Variants in SMYD3 observed in about 807,000 individuals in gnomAD.
SMYD3 encodes histone-lysine N-methyltransferase SMYD3.
In SMYD3, 36 loss-of-function variants were observed where a neutral mutation model predicts 57.7. The observed-to-expected ratio is 0.62, with a 90% confidence interval of 0.48 to 0.82. The LOEUF (loss-of-function observed/expected upper bound fraction) is 0.82, where lower values mean the gene tolerates loss of function less well. SMYD3 is among the 40% of genes least tolerant of loss of function. The pLI is 0.00. For missense variants in SMYD3, 515 were observed against 538.8 expected (o/e 0.96, Z 0.44); for synonymous variants, 211 against 195.0 (o/e 1.08, Z -0.68).
chr1:246,199,840 A>T (rs1477944123), intron 5 of SMYD3, among the ~76,000 whole-genome samples: 2 of 152,278 alleles, frequency 1.3e-5, no homozygotes, highest in African/African-American at 4.8e-5. Context: ...GATGGAGAAC[A>T]GCGTAGATGC....
At chr1:245,869,347 C>G (rs1297248050) in intron 8 of SMYD3, among the ~76,000 whole-genome samples, 1 of 152,210 alleles carries the variant, frequency 6.6e-6, no homozygotes. Context: ...CTGGTGGCAT[C>G]TCTGCCCTGA....
chr1:245,801,724 TAAA>T (rs35820552), intron 10 of SMYD3, among the ~76,000 whole-genome samples: 34,107 of 145,540 alleles, frequency 0.23, 4,771 homozygotes, highest in African/African-American at 0.39. Context: ...CAGGATTTGT[TAAA>T]AAAAAAAAAA....
intron 1 of SMYD3, among the ~76,000 whole-genome samples, chr1:246,488,089 C>T (rs756032444): frequency 1.8e-4 from 27 of 152,118 alleles, no homozygotes; most frequent in Non-Finnish European, 2.6e-4. Context: ...TTAAATCCTG[C>T]TCATTAAAAG....
intron 5 of SMYD3, among the ~76,000 whole-genome samples, chr1:245,955,256 TA>T (rs918572667): frequency 2.3e-3 from 5 of 2,168 alleles, no homozygotes; most frequent in Admixed American, 0.017. Flanking sequence ...CATACCTGGC[TA>T]ATTTTTTTTT....
At chr1:245,809,122 C>T (rs923913298) in intron 10 of SMYD3, among the ~76,000 whole-genome samples, 1 of 152,166 alleles carries the variant, frequency 6.6e-6, no homozygotes, top group Non-Finnish European at 1.5e-5. Context: ...TAACTCAGGG[C>T]TCTGTACTGC....
chr1:246,421,198 T>A (rs1236858810), intron 1 of SMYD3, among the ~76,000 whole-genome samples: 1 of 152,160 alleles, frequency 6.6e-6, no homozygotes, highest in Non-Finnish European at 1.5e-5. Flanking sequence ...TCTACTAACA[T>A]TATATTATGT....
At chr1:245,752,348 G>A (rs920403426) in intron 11 of SMYD3, among the ~76,000 whole-genome samples, 2 of 152,208 alleles carry the variant, frequency 1.3e-5, no homozygotes, top group Non-Finnish European at 2.9e-5. Context: ...GGCTGGGTGA[G>A]GGCCTGGCCT....
intron 1 of SMYD3, among the ~76,000 whole-genome samples, chr1:246,489,915 C>T (rs1407898615): frequency 6.6e-6 from 1 of 151,894 alleles, no homozygotes; most frequent in African/African-American, 2.4e-5. Flanking sequence ...GCAGCCTCAA[C>T]CCCCCAGGCT....
In SMYD3 at chr1:246,029,072, C is replaced by T. The variant is rs188402457; in HGVS notation, c.532-99135G>A. On this transcript the variant is annotated intron_variant, in intron 5 of 11. Coordinates refer to ENST00000490107, the MANE Select transcript of SMYD3 (RefSeq NM_001167740.2). Reference sequence around the variant, plus strand: ...CATTATCACTGTATACAAAAGTAAACTCAAAATGAATTAAAGATTTGAACA... The same window carrying T: ...CATTATCACTGTATACAAAAGTAAATTCAAAATGAATTAAAGATTTGAACA... Among the ~76,000 whole-genome samples the T allele has an allele frequency of 8.5e-5, 13 of 152,214 alleles. No homozygotes were observed. The East Asian group carries it at 1.9e-3, about 23-fold the overall frequency.
Position 246,034,812 on chromosome 1 carries a change from T to C in SMYD3, c.532-104875A>G, listed in dbSNP as rs116346267. Among the ~76,000 whole-genome samples the C allele has an allele frequency of 2.3e-3, 348 of 152,240 alleles. 2 individuals are homozygous for C. The highest frequency in any genetic ancestry group is 7.8e-3 in the African/African-American group (324 of 41,554). ...AGGACCGCGGCAATCCTTAGTACTT[T>C]GCCGACGCTGCAATGTAATCCCACC... On this transcript the variant is annotated intron_variant, in intron 5 of 11. Transcript: ENST00000490107.
chr1:246,247,444 ACTCTCTCTCTCT>A lies in SMYD3; in HGVS notation c.531+79745_531+79756del, dbSNP rs143476169. Among the ~76,000 whole-genome samples, 313 of 142,860 alleles carry A rather than the reference ACTCTCTCTCTCT, an allele frequency of 2.2e-3. 5 individuals are homozygous for A. The highest frequency in any genetic ancestry group is 7.3e-3 in the African/African-American group (281 of 38,334). 93.7% of individuals were successfully genotyped at this position (142,860 alleles called of 152,430 possible). A position where few individuals can be genotyped will look rare whatever the true frequency, so the allele number is the denominator to read the frequency against. On this transcript the variant is annotated intron_variant, in intron 5 of 11. Transcript: ENST00000490107. ...CTGTGGTTTAAGAAAGAGAAGGATA[ACTCTCTCTCTCT>A]CTCTCTCTCTATATATATATATATA... is the stretch of plus-strand genomic sequence containing the variant.
At chr1:246,087,029 C>A (rs897527703) in intron 5 of SMYD3, among the ~76,000 whole-genome samples, 33 of 152,280 alleles carry the variant, frequency 2.2e-4, no homozygotes, top group African/African-American at 6.3e-4. Flanking sequence ...CTTCCAGCTC[C>A]ATCCATGTCC....
intron 5 of SMYD3, among the ~76,000 whole-genome samples, chr1:246,036,051 G>A (rs1232510729): frequency 6.6e-6 from 1 of 152,162 alleles, no homozygotes; most frequent in Non-Finnish European, 1.5e-5. Flanking sequence ...AAAATATACA[G>A]TGTCATTGAT....
chr1:246,005,514 T>C (rs1387322025), intron 5 of SMYD3, among the ~76,000 whole-genome samples: 1 of 152,178 alleles, frequency 6.6e-6, no homozygotes, highest in Non-Finnish European at 1.5e-5. Flanking sequence ...GGGCTACCCA[T>C]TAAATTAGAG....
intron 5 of SMYD3, chr1:246,326,248 CTTG>C: frequency 2.1e-6 from 1 of 471,606 alleles, no homozygotes; most frequent in Non-Finnish European, 3.8e-6. Flanking sequence ...TAAAGTTTTA[CTTG>C]TTATTAAATT....
intron 9 of SMYD3, among the ~76,000 whole-genome samples, chr1:245,859,941 T>G (rs2051446427): frequency 6.6e-6 from 1 of 152,320 alleles, no homozygotes; most frequent in Admixed American, 6.5e-5. Flanking sequence ...TAATATATTG[T>G]ATGTAAAATG....
intron 1 of SMYD3, among the ~76,000 whole-genome samples, chr1:246,418,086 A>G (rs1394025961): frequency 1.3e-5 from 2 of 152,118 alleles, no homozygotes; most frequent in African/African-American, 2.4e-5. Flanking sequence ...ACATTAATAC[A>G]TTTATATGCC....
intron 11 of SMYD3, among the ~76,000 whole-genome samples, chr1:245,753,252 A>T (rs1388253707): frequency 9.2e-6 from 1 of 109,098 alleles, no homozygotes. Context: ...GAAGCAACTG[A>T]AAAAAAAAAA....
intron 10 of SMYD3, among the ~76,000 whole-genome samples, chr1:245,857,414 G>C (rs1175099501): frequency 2.3e-5 from 1 of 44,158 alleles, no homozygotes; most frequent in East Asian, 2.8e-4. Context: ...GTTGACCCTG[G>C]GAAATTCCTC....
Sources: gnomAD v4.1 joint callset for allele counts (sites outside exome capture counted in the v4.1 genomes callset) on GRCh38, gnomAD v4.1.1 for gene constraint, MANE v1.5 for transcripts, NCBI Gene and HGNC (gene_info 2026-07-23, HGNC 2026-07-21) for gene names.